BBS9: variants seen among roughly 807,000 people sequenced by gnomAD.
The protein encoded by BBS9 is protein PTHB1.
Under a neutral mutation model 117.7 loss-of-function variants are expected in BBS9, and 89 were observed. The ratio of observed to expected loss-of-function variants is 0.76; its 90% CI spans 0.64 to 0.90. The LOEUF (loss-of-function observed/expected upper bound fraction) is 0.90, where lower values mean the gene tolerates loss of function less well. Among genes scored for constraint, BBS9 ranks in the 40% least tolerant of loss-of-function variants. The probability of loss-of-function intolerance (pLI) is 0.00; values close to 1 mark genes in which losing one functional copy is unlikely to be tolerated. For missense variants in BBS9, 982 were observed against 1,042.2 expected, an observed-to-expected ratio of 0.94 and a Z score of 0.80; for synonymous variants, 379 against 370.9, an observed-to-expected ratio of 1.02 and a Z score of -0.25.
chr7:33,129,672 C>T lies in BBS9; in HGVS notation c.-381C>T, dbSNP rs1395775533. 1 of 152,898 alleles carries T rather than the reference C, an allele frequency of 6.5e-6. No individual in the cohort carries two copies. The highest frequency in any genetic ancestry group is 1.5e-5 in the Non-Finnish European group (1 of 68,434). The allele number at this position is 152,898 out of a possible 1,614,324, so 9.5% of individuals were successfully genotyped here. A position where few individuals can be genotyped will look rare whatever the true frequency, so the allele number is the denominator to read the frequency against. ...CCATTCACCGCCTCCTCCATCCTTT[C>T]CTCCTCGGTGTGAGCAGCAGGACTT... On this transcript the variant is annotated 5_prime_UTR_variant, in exon 1 of 23. Coordinates refer to ENST00000242067, the MANE Select transcript of BBS9 (RefSeq NM_198428.3).
intron 19 of BBS9, among the ~76,000 whole-genome samples, chr7:33,412,058 G>A (rs1831235902): frequency 6.6e-6 from 1 of 151,952 alleles, no homozygotes; most frequent in Non-Finnish European, 1.5e-5. Context: ...AATGTATTAT[G>A]TGAAAATCAT....
Position 33,146,320 on chromosome 7 carries a change from G to C in BBS9, c.68G>C (p.Gly23Ala), listed in dbSNP as rs1470489475. Residue 23 changes from glycine (G) to alanine (A), a missense_variant, in exon 2 of 23, where the codon GGC becomes GCC. Physicochemically the swap from Gly to Ala is moderately conservative, Grantham distance 60 (BLOSUM62 0). Coordinates refer to ENST00000242067, the MANE Select transcript of BBS9 (RefSeq NM_198428.3). Reference sequence around the variant, plus strand: ...GGAGATAAAGAAGAATTTGATCAAGGCTGTTTGTGTCTGGCTAATGTTGAC... The same window carrying C: ...GGAGATAAAGAAGAATTTGATCAAGCCTGTTTGTGTCTGGCTAATGTTGAC... The part of the protein sequence containing the change: ...ILGDKEEFDQ[G>A]CLCLANVDNS... The C allele has an allele frequency of 6.2e-7, 1 of 1,613,970 alleles. No homozygotes were observed. Among genetic ancestry groups the C allele is most frequent in the African/African-American group, 1.3e-5 (1 of 74,926 alleles).
chr7:33,192,815 G>A (rs1784342516), intron 5 of BBS9, among the ~76,000 whole-genome samples: 1 of 152,172 alleles, frequency 6.6e-6, no homozygotes, highest in Non-Finnish European at 1.5e-5. Flanking sequence ...GTCCTCACAT[G>A]GCAGAAGAAC....
In BBS9 at chr7:33,177,459, CT is replaced by C. The variant is rs753552530; in HGVS notation, c.329-7del. 0.064 allele frequency: 63,695 copies of C among 995,666 alleles called. No individual in the cohort carries two copies. The highest frequency in any genetic ancestry group is 0.072 in the East Asian group (1,962 of 27,162). 61.7% of individuals were successfully genotyped at this position (995,666 alleles called of 1,614,324 possible). On this transcript the variant is annotated intron_variant, in intron 4 of 22. Coordinates refer to ENST00000242067, the MANE Select transcript of BBS9 (RefSeq NM_198428.3). Reference sequence around the variant, plus strand: ...TAGTGTACACAAATACAAAGTAATCCTTTTTTTTTTTTCCTTAGGAACCTTG... The same window carrying C: ...TAGTGTACACAAATACAAAGTAATCCTTTTTTTTTTTCCTTAGGAACCTTG...
intron 21 of BBS9, among the ~76,000 whole-genome samples, chr7:33,567,761 A>G (rs1312715700): frequency 6.6e-6 from 1 of 152,132 alleles, no homozygotes; most frequent in African/African-American, 2.4e-5. Context: ...TAATCTCAAT[A>G]TTTTCAGAAA....
intron 5 of BBS9, among the ~76,000 whole-genome samples, chr7:33,203,241 A>C (rs1004877831): frequency 9.2e-5 from 14 of 152,028 alleles, no homozygotes; most frequent in Non-Finnish European, 5.9e-5. Flanking sequence ...AAGAGACAAA[A>C]CTCTACAATA....
intron 1 of BBS9, among the ~76,000 whole-genome samples, chr7:33,137,423 G>A (rs1045456640): frequency 3.3e-5 from 5 of 152,182 alleles, no homozygotes; most frequent in African/African-American, 4.8e-5. Flanking sequence ...AACCTGGTAG[G>A]GGGCGGGGCT....
intron 19 of BBS9, among the ~76,000 whole-genome samples, chr7:33,489,890 A>C (rs1015982663): frequency 5.3e-5 from 8 of 152,228 alleles, no homozygotes; most frequent in Non-Finnish European, 1.2e-4. Flanking sequence ...TATTTTATCC[A>C]AATTCAGCTC....
chr7:33,420,079 T>C (rs1342920337), intron 19 of BBS9, among the ~76,000 whole-genome samples: 1 of 152,172 alleles, frequency 6.6e-6, no homozygotes, highest in Non-Finnish European at 1.5e-5. Flanking sequence ...TTCTGCGTTA[T>C]TAATAACTGA....
At chr7:33,601,274 G>T (rs911829888) in intron 21 of BBS9, among the ~76,000 whole-genome samples, 1 of 152,116 alleles carries the variant, frequency 6.6e-6, no homozygotes, top group South Asian at 2.1e-4. Context: ...AGTTCTGCTT[G>T]TCCTTGCCTG....
intron 19 of BBS9, among the ~76,000 whole-genome samples, chr7:33,412,083 C>T (rs1250547662): frequency 6.6e-6 from 1 of 152,042 alleles, no homozygotes; most frequent in Admixed American, 6.5e-5. Context: ...GTTGAAATCA[C>T]TAGTGACTAA....
intron 5 of BBS9, among the ~76,000 whole-genome samples, chr7:33,182,516 A>T (rs1442388104): frequency 6.6e-6 from 1 of 152,182 alleles, no homozygotes; most frequent in African/African-American, 2.4e-5. Flanking sequence ...CATTTATCAA[A>T]CCTAATATCT....
chr7:33,177,078 T>C (rs10269945), intron 4 of BBS9, among the ~76,000 whole-genome samples: 15,060 of 152,182 alleles, frequency 0.099, 818 homozygotes, highest in South Asian at 0.13. Context: ...TTGAAAGTGT[T>C]GGGGATTTTT....
chr7:33,539,089 C>G (rs1244759851), intron 21 of BBS9, among the ~76,000 whole-genome samples: 1 of 152,076 alleles, frequency 6.6e-6, no homozygotes, highest in African/African-American at 2.4e-5. Flanking sequence ...CCCAAAGGAA[C>G]TTGGGAGAAC....
At chr7:33,342,367 A>G (rs764537971) in intron 11 of BBS9, among the ~76,000 whole-genome samples, 60 of 152,264 alleles carry the variant, frequency 3.9e-4, no homozygotes, top group Non-Finnish European at 7.6e-4. Context: ...AAATGTACAC[A>G]TATTTTCTTG....
At chr7:33,278,045 AAGCTAGCCT>A (rs1459187090) in intron 9 of BBS9, among the ~76,000 whole-genome samples, 1 of 152,190 alleles carries the variant, frequency 6.6e-6, no homozygotes. Context: ...ATGTCTCCCA[AAGCTAGCCT>A]AGCCTAAGCC....
chr7:33,489,018 A>G (rs1471361994), intron 19 of BBS9, among the ~76,000 whole-genome samples: 1 of 129,572 alleles, frequency 7.7e-6, no homozygotes, highest in Non-Finnish European at 1.6e-5. Context: ...TTTGAGATGA[A>G]GTCTCACTCT....
At chr7:33,381,935 C>G (rs1026812338) in intron 17 of BBS9, among the ~76,000 whole-genome samples, 27 of 152,192 alleles carry the variant, frequency 1.8e-4, no homozygotes, top group Non-Finnish European at 1.5e-4. Context: ...AATAACCAAT[C>G]CGAAGAAGTA....
intron 21 of BBS9, among the ~76,000 whole-genome samples, chr7:33,566,540 G>A (rs1208052971): frequency 6.6e-6 from 1 of 151,960 alleles, no homozygotes; most frequent in East Asian, 1.9e-4. Flanking sequence ...AAGAGGAGTT[G>A]CTCTGTTGTT....
Sources: gnomAD v4.1 joint callset for allele counts (sites outside exome capture counted in the v4.1 genomes callset) on GRCh38, gnomAD v4.1.1 for gene constraint, MANE v1.5 for transcripts, NCBI Gene and HGNC (gene_info 2026-07-23, HGNC 2026-07-21) for gene names.